Variants in PTCH2 observed in about 807,000 individuals in gnomAD.
PTCH2 encodes the protein protein patched homolog 2.
Under a neutral mutation model 117.9 loss-of-function variants are expected in PTCH2, and 96 were observed. The observed-to-expected ratio is 0.81, with a 90% CI of 0.69 to 0.96. The LOEUF (loss-of-function observed/expected upper bound fraction) is 0.96. Among genes scored for constraint, PTCH2 ranks in the 50% least tolerant of loss-of-function variants. The pLI is 0.00. For missense variants in PTCH2, 1,379 were observed against 1,562.5 expected (o/e 0.88, Z 1.98); for synonymous variants, 615 against 660.9 (o/e 0.93, Z 1.06).
chr1:44,834,254 G>A (rs926072665), intron 2 of PTCH2, among the ~76,000 whole-genome samples: 1 of 151,912 alleles, frequency 6.6e-6, no homozygotes, highest in Non-Finnish European at 1.5e-5. Context: ...CGAGTAGTTG[G>A]GATTACAGGT....
chr1:44,841,352 C>T (rs1653941414), intron 2 of PTCH2, among the ~76,000 whole-genome samples: 1 of 152,210 alleles, frequency 6.6e-6, no homozygotes, highest in African/African-American at 2.4e-5. Context: ...CCTCTCCCTG[C>T]AGGCTTGGCC....
At chr1:44,830,170 C>G (rs1179362656) in intron 6 of PTCH2, 140 bp from the exon 7 acceptor site, 1 of 1,215,204 alleles carries the variant, frequency 8.2e-7, no homozygotes, top group Non-Finnish European at 1.1e-6. Flanking sequence ...AGCCTCTTGA[C>G]TGCTCTGCAG....
In PTCH2 at chr1:44,827,995, A is replaced by G; in HGVS notation, c.1906T>C (p.Phe636Leu). ...PPSDPLGSELFSPGGSTRDLL... is the reference protein window; with the variant it reads ...PPSDPLGSELLSPGGSTRDLL... Reference sequence around the variant, plus strand: ...TCCCGTGTGGACCCTCCAGGGCTGAAGAGCTCAGAGCCCAGTGGGTCAGAA... The same window carrying G: ...TCCCGTGTGGACCCTCCAGGGCTGAGGAGCTCAGAGCCCAGTGGGTCAGAA... Residue 636 changes from phenylalanine to leucine, a missense_variant, in exon 14 of 22, where the codon TTC becomes CTC. By Grantham distance (22) the Phe-to-Leu change is conservative. Coordinates refer to ENST00000372192, the MANE Select transcript of PTCH2 (RefSeq NM_003738.5). The G allele has an allele frequency of 1.2e-6, 2 of 1,614,200 alleles. No homozygotes were observed. The highest frequency in any genetic ancestry group is 1.7e-6 in the Non-Finnish European group (2 of 1,180,032).
Position 44,829,497 on chromosome 1 carries a change from G to A in PTCH2, c.1120C>T (p.Gln374Ter), listed in dbSNP as rs1268989490. 6.2e-7 allele frequency: 1 copy of A among 1,614,252 alleles called. No individual in the cohort carries two copies. Reference sequence around the variant, plus strand: ...GTGGTGGAGGAGAAGGCATGGATCTGCTGGGAAGCGTTCTCAGGCAGGGCC... The same window carrying A: ...GTGGTGGAGGAGAAGGCATGGATCTACTGGGAAGCGTTCTCAGGCAGGGCC... ...QEALPENASQQIHAFSSTTLD... is the reference protein window; with the variant it reads ...QEALPENASQ Residue 374 changes from glutamine to a stop codon, truncating the protein, a stop_gained, in exon 9 of 22, where the codon CAG becomes TAG. Coordinates refer to ENST00000372192, the MANE Select transcript of PTCH2 (RefSeq NM_003738.5). LOFTEE classifies it high-confidence loss of function.
At position 44,822,635 on chromosome 1, in the gene PTCH2, A is replaced by G. The variant is rs1463079757; in HGVS notation, c.3392T>C (p.Leu1131Pro). The G allele has an allele frequency of 1.9e-6, 3 of 1,613,954 alleles. No homozygotes were observed. The highest frequency in any genetic ancestry group is 2.5e-6 in the Non-Finnish European group (3 of 1,179,914). Residue 1131 changes from leucine to proline, a missense_variant, in exon 22 of 22, where the codon CTG becomes CCG. Transcript: ENST00000372192. ...IQMYKESPEI[L>P]SPPAPQGGGL... ...GCCTCCCTGTGGAGCTGGTGGACTC[A>G]GGATCTCTGGGCTTTCCTTGTACAT...
chr1:44,830,005 C>T lies in PTCH2; in HGVS notation c.839G>A (p.Ser280Asn), dbSNP rs1653359888. 2 of 1,614,042 alleles carry T rather than the reference C, an allele frequency of 1.2e-6. No individual in the cohort carries two copies. The highest frequency in any genetic ancestry group is 2.7e-5 in the African/African-American group (2 of 74,934). ...RQAPNVAHEL[S>N]GGCHGFSHKF... ...GTGGGAGAAGCCATGGCAGCCCCCA[C>T]TCAGCTCGTGAGCCACATTGGGAGC... Residue 280 changes from serine to asparagine, a missense_variant, in exon 7 of 22, where the codon AGT becomes AAT. Transcript: ENST00000372192.
At chr1:44,819,950 T>A (rs148551547), downstream of PTCH2, 4 of 153,372 alleles carry the variant, frequency 2.6e-5, no homozygotes, top group African/African-American at 9.7e-5. Context: ...ACGGAAATCT[T>A]TAGTAAAAGG....
intron 21 of PTCH2, 111 bp downstream of exon 21, chr1:44,822,958 C>T (rs1652974185): frequency 1.6e-6 from 2 of 1,244,454 alleles, no homozygotes; most frequent in South Asian, 1.3e-5. Context: ...CTGGTGGCAC[C>T]TGTTGGGGAG....
chr1:44,836,484 C>T (rs890687907), intron 2 of PTCH2, among the ~76,000 whole-genome samples: 9 of 152,018 alleles, frequency 5.9e-5, no homozygotes, highest in Admixed American at 1.3e-4. Flanking sequence ...CCGAGGTGGG[C>T]GGATCACGAA....
chr1:44,830,405 C>A (rs972137386), intron 6 of PTCH2, among the ~76,000 whole-genome samples: 1 of 151,928 alleles, frequency 6.6e-6, no homozygotes, highest in Non-Finnish European at 1.5e-5. Context: ...CTTGGCCAGG[C>A]GCAGTGGCTC....
At chr1:44,828,445 T>G in intron 12 of PTCH2, 31 bp from the exon 13 acceptor site, 1 of 1,614,064 alleles carries the variant, frequency 6.2e-7, no homozygotes, top group Non-Finnish European at 8.5e-7. Flanking sequence ...GAATGAAGGC[T>G]GGATGAAGCT....
intron 19 of PTCH2, among the ~76,000 whole-genome samples, chr1:44,825,654 G>A (rs928562397): frequency 2.0e-5 from 3 of 151,988 alleles, no homozygotes; most frequent in Admixed American, 2.0e-4. Flanking sequence ...AGCCTCCTGA[G>A]TAGCTGGGAT....
chr1:44,826,178 G>T lies in PTCH2; in HGVS notation c.3114+72C>A, dbSNP rs1283212359. 1.3e-6 allele frequency: 2 copies of T among 1,557,694 alleles called. No individual in the cohort carries two copies. The highest frequency in any genetic ancestry group is 1.4e-5 in the African/African-American group (1 of 73,588). ...ATTCTTAAATAGTACCTAGCACATA[G>T]TAGGGGCTTGAACAATATGTGTTGA... On this transcript the variant is annotated intron_variant, in intron 19 of 21. Transcript: ENST00000372192. This position sits in a 1 kb window ranked among gnomAD's most constrained non-coding sequence, Gnocchi z 5.1.
chr1:44,823,228 C>T lies in PTCH2; in HGVS notation c.3257+15G>A. 6.2e-7 allele frequency: 1 copy of T among 1,614,198 alleles called. No individual in the cohort carries two copies. Among genetic ancestry groups the T allele is most frequent in the African/African-American group, 1.3e-5 (1 of 75,048 alleles). ...CTGTCCTGAGCCCTGCCTCCCTGCCCCGAGCCCTCCCTACCTTACAATGAA... is the reference window on the plus strand; with the variant it reads ...CTGTCCTGAGCCCTGCCTCCCTGCCTCGAGCCCTCCCTACCTTACAATGAA... On this transcript the variant is annotated intron_variant, in intron 20 of 21. Transcript: ENST00000372192. The surrounding 1 kb of genome is among the most constrained non-coding windows in gnomAD (Gnocchi z 5.1).
In PTCH2 at chr1:44,826,044, C is replaced by T. The variant is rs959969865; in HGVS notation, c.3114+206G>A. 4.6e-5 allele frequency among the ~76,000 whole-genome samples: 7 copies of T among 152,020 alleles called. No homozygotes were observed. The highest frequency in any genetic ancestry group is 2.1e-4 in the South Asian group (1 of 4,830). ...TATTTTTAGTAAAGACAGGGTTTCACCATGTTGGCCAGGCTGGTTTCGAAC... is the reference window on the plus strand; with the variant it reads ...TATTTTTAGTAAAGACAGGGTTTCATCATGTTGGCCAGGCTGGTTTCGAAC... On this transcript the variant is annotated intron_variant, in intron 19 of 21. Coordinates refer to ENST00000372192, the MANE Select transcript of PTCH2 (RefSeq NM_003738.5). This position sits in a 1 kb window ranked among gnomAD's most constrained non-coding sequence, Gnocchi z 5.1.
At position 44,826,462 on chromosome 1, in the gene PTCH2, C is replaced by T. The variant is rs774300620; in HGVS notation, c.2976+26G>A. 2 of 1,613,732 alleles carry T rather than the reference C, an allele frequency of 1.2e-6. No homozygotes were observed. The highest frequency in any genetic ancestry group is 2.2e-5 in the East Asian group (1 of 44,878). ...CTGGGCAGGGAAGGGTGGGGTGTCT[C>T]TGTCCCCACTCCTGCAAGCACTCAC... On this transcript the variant is annotated intron_variant, in intron 18 of 21. Coordinates refer to ENST00000372192, the MANE Select transcript of PTCH2 (RefSeq NM_003738.5). This position sits in a 1 kb window ranked among gnomAD's most constrained non-coding sequence, Gnocchi z 5.1.
chr1:44,842,349 G>A (rs1314316264), intron 1 of PTCH2, among the ~76,000 whole-genome samples: 2 of 145,524 alleles, frequency 1.4e-5, no homozygotes, highest in African/African-American at 2.6e-5. Context: ...GTGTGATCTC[G>A]GCTGACTGCA....
chr1:44,826,227 C>T lies in PTCH2; in HGVS notation c.3114+23G>A. On this transcript the variant is annotated intron_variant, in intron 19 of 21. Transcript: ENST00000372192. This position sits in a 1 kb window ranked among gnomAD's most constrained non-coding sequence, Gnocchi z 5.1. ...GAATACTGAATCAGCTGATTGGTCC[C>T]TCCCCGGGGTGCCCGTGCTCACCAG... 1 of 1,612,534 alleles carries T rather than the reference C, an allele frequency of 6.2e-7. No homozygotes were observed.
At chr1:44,832,403 G>T in intron 2 of PTCH2, 62 bp from the exon 3 acceptor site, 4 of 1,573,440 alleles carry the variant, frequency 2.5e-6, no homozygotes, top group East Asian at 4.5e-5. Context: ...AACTTGGGAA[G>T]GGGGCTTCTA....
Sources: allele counts gnomAD v4.1 joint callset (sites outside exome capture counted in the v4.1 genomes callset), GRCh38; gene constraint gnomAD v4.1.1; non-coding constraint Gnocchi (gnomAD v3.1); transcripts MANE v1.5; gene names NCBI Gene and HGNC (gene_info 2026-07-23, HGNC 2026-07-21).